Variants in WDFY2 observed in about 807,000 individuals in gnomAD.
WDFY2 encodes WD repeat and FYVE domain containing 2, also known as WD repeat and FYVE domain-containing protein 2.
WDFY2 carries 36 observed loss-of-function variants against 56.4 expected under a neutral mutation model. That is an observed-to-expected ratio of 0.64 (90% CI 0.49 to 0.84). WDFY2 has a LOEUF of 0.84. Ranked by LOEUF, WDFY2 falls within the 40% of genes least tolerant of loss-of-function variation. The pLI is 0.00. For synonymous variants in WDFY2, 176 were observed against 183.7 expected, an observed-to-expected ratio of 0.96 and a Z score of 0.34; for missense variants, 444 against 512.2, an observed-to-expected ratio of 0.87 and a Z score of 1.29.
chr13:51,617,238 C>G (rs1954635940), intron 1 of WDFY2, among the ~76,000 whole-genome samples: 1 of 152,168 alleles, frequency 6.6e-6, no homozygotes, highest in East Asian at 1.9e-4. Flanking sequence ...AGCAGTAACT[C>G]CTTAGGTCTG....
At chr13:51,751,523 G>A (rs942548987) in intron 8 of WDFY2, 108 bp downstream of exon 8, 18 of 1,061,066 alleles carry the variant, frequency 1.7e-5, no homozygotes, top group South Asian at 4.1e-5. Context: ...GGCATGTAAC[G>A]TTAAAGAATT....
intron 5 of WDFY2, among the ~76,000 whole-genome samples, chr13:51,720,436 G>T (rs1952461704): frequency 6.6e-6 from 1 of 152,218 alleles, no homozygotes; most frequent in Non-Finnish European, 1.5e-5. Context: ...ATCTTTGAGA[G>T]GGTAGTAGTA....
chr13:51,739,323 C>A (rs1232549145), intron 7 of WDFY2, 148 bp downstream of exon 7: 4 of 920,446 alleles, frequency 4.3e-6, no homozygotes, highest in African/African-American at 3.4e-5. Context: ...TGATTTATAA[C>A]TGTGTAAAAC....
chr13:51,589,610 T>C (rs547837729), intron 1 of WDFY2: 11 of 152,254 alleles, frequency 7.2e-5, no homozygotes, highest in African/African-American at 2.4e-4. Flanking sequence ...TACCATGTAT[T>C]TTATAACATT....
Position 51,584,489 on chromosome 13 carries a change from C to A in WDFY2, c.-199C>A, listed in dbSNP as rs1012248736. On this transcript the variant is annotated 5_prime_UTR_variant, in exon 1 of 12. Coordinates refer to ENST00000298125, the MANE Select transcript of WDFY2 (RefSeq NM_052950.4). The stretch of plus-strand genomic sequence containing the variant: ...AGTGGCGCCGGCTTGCATCCCAGGT[C>A]GTGGCGGTTTTGGTGCCTGAAGCAG... 3 of 660,416 alleles carry A rather than the reference C, an allele frequency of 4.5e-6. No individual in the cohort carries two copies. The highest frequency in any genetic ancestry group is 4.4e-4 in the Middle Eastern group (1 of 2,250). The allele number at this position is 660,416 out of a possible 1,614,324, so 40.9% of individuals were successfully genotyped here. A position where few individuals can be genotyped will look rare whatever the true frequency, so the allele number is the denominator to read the frequency against.
chr13:51,737,951 G>A (rs1952878773), intron 6 of WDFY2, among the ~76,000 whole-genome samples: 1 of 152,112 alleles, frequency 6.6e-6, no homozygotes, highest in Admixed American at 6.6e-5. Flanking sequence ...TAGAGTTTGG[G>A]GTTCCCCCTA....
At chr13:51,696,708 T>G (rs1171220276) in intron 3 of WDFY2, among the ~76,000 whole-genome samples, 1 of 152,196 alleles carries the variant, frequency 6.6e-6, no homozygotes, top group Non-Finnish European at 1.5e-5. Flanking sequence ...TCATTACATG[T>G]AAGTAAAGCC....
chr13:51,703,930 T>G (rs974876190), intron 4 of WDFY2, among the ~76,000 whole-genome samples: 7 of 152,228 alleles, frequency 4.6e-5, no homozygotes, highest in African/African-American at 1.7e-4. Context: ...CTTTTCAACG[T>G]ACAGCAGGTT....
intron 7 of WDFY2, among the ~76,000 whole-genome samples, chr13:51,748,960 C>T (rs1389085636): frequency 1.3e-5 from 2 of 152,016 alleles, no homozygotes; most frequent in Admixed American, 6.6e-5. Context: ...TTCATTCTCT[C>T]GAAAGTATAC....
chr13:51,624,615 G>A (rs1593894762), intron 1 of WDFY2, among the ~76,000 whole-genome samples: 1 of 152,202 alleles, frequency 6.6e-6, no homozygotes, highest in African/African-American at 2.4e-5. Context: ...TGATTGATAA[G>A]CCTATGTTAG....
At chr13:51,626,327 A>G (rs1954835496) in intron 1 of WDFY2, among the ~76,000 whole-genome samples, 1 of 152,248 alleles carries the variant, frequency 6.6e-6, no homozygotes, top group Non-Finnish European at 1.5e-5. Context: ...GGCCTGAACA[A>G]CTTAACCTCC....
At chr13:51,707,138 GAAC>G (rs1231492406) in intron 4 of WDFY2, among the ~76,000 whole-genome samples, 6 of 152,284 alleles carry the variant, frequency 3.9e-5, no homozygotes, top group South Asian at 2.1e-4. Context: ...GATGTCTATG[GAAC>G]AACATTTTTA....
At chr13:51,729,283 T>C (rs1262650184) in intron 6 of WDFY2, among the ~76,000 whole-genome samples, 1 of 151,734 alleles carries the variant, frequency 6.6e-6, no homozygotes, top group African/African-American at 2.4e-5. Context: ...TGCCTAATAA[T>C]CCCTCTCCCT....
rs532680460 is a variant in WDFY2 at position 51,667,326 on chromosome 13, T to G, written c.205+6663T>G. On this transcript the variant is annotated intron_variant, in intron 2 of 11. Coordinates refer to ENST00000298125, the MANE Select transcript of WDFY2 (RefSeq NM_052950.4). ...TTGGGGATTTGGAAAATTAAGTTGA[T>G]TAATGTGTATATGCTTTTATCTGGA... 3.3e-5 allele frequency among the ~76,000 whole-genome samples: 5 copies of G among 152,324 alleles called. No homozygotes were observed. The East Asian group carries it at 7.7e-4, about 23-fold the overall frequency.
intron 2 of WDFY2, among the ~76,000 whole-genome samples, chr13:51,663,190 A>C (rs751445526): frequency 6.6e-6 from 1 of 152,256 alleles, no homozygotes; most frequent in Non-Finnish European, 1.5e-5. Flanking sequence ...TAATTTGAAG[A>C]TACATTGAGG....
At chr13:51,692,779 C>T (rs980870306) in intron 3 of WDFY2, among the ~76,000 whole-genome samples, 1 of 152,160 alleles carries the variant, frequency 6.6e-6, no homozygotes, top group African/African-American at 2.4e-5. Context: ...GTACCAGTTC[C>T]TCCTTGTACC....
At chr13:51,685,474 C>T (rs549967731) in intron 3 of WDFY2, among the ~76,000 whole-genome samples, 2 of 152,104 alleles carry the variant, frequency 1.3e-5, no homozygotes, top group South Asian at 2.1e-4. Context: ...CGTAAACAGT[C>T]GAGTAACACA....
At position 51,687,255 on chromosome 13, in the gene WDFY2, A is replaced by G. The variant is rs76594687; in HGVS notation, c.279+12012A>G. ...GCAGTGTTCTAGGTACTTGAGATAC[A>G]TCAAAATATACCCTCCCCTGCTGAA... On this transcript the variant is annotated intron_variant, in intron 3 of 11. Transcript: ENST00000298125. 6.3e-3 allele frequency among the ~76,000 whole-genome samples: 958 copies of G among 152,112 alleles called. 13 individuals carry two copies. Among genetic ancestry groups the G allele is most frequent in the East Asian group, 0.021 (110 of 5,184 alleles).
At chr13:51,695,876 A>G (rs1204222865) in intron 3 of WDFY2, among the ~76,000 whole-genome samples, 3 of 152,330 alleles carry the variant, frequency 2.0e-5, no homozygotes, top group African/African-American at 4.8e-5. Flanking sequence ...GCAAGCCTGG[A>G]CAATGGTGGG....
Sources: gnomAD v4.1 joint callset for allele counts (sites outside exome capture counted in the v4.1 genomes callset) on GRCh38, gnomAD v4.1.1 for gene constraint, MANE v1.5 for transcripts, NCBI Gene and HGNC (gene_info 2026-07-23, HGNC 2026-07-21) for gene names.